GSE1: variants seen among roughly 807,000 people sequenced by gnomAD.
GSE1 encodes the protein Gse1 coiled-coil protein.
A neutral mutation model predicts 112.6 loss-of-function variants in GSE1; 32 were observed. The ratio of observed to expected loss-of-function variants is 0.28; its 90% CI spans 0.21 to 0.38. The LOEUF (loss-of-function observed/expected upper bound fraction) is 0.38, where lower values mean the gene tolerates loss of function less well. Among genes scored for constraint, GSE1 ranks in the 10% least tolerant of loss-of-function variants. The probability of loss-of-function intolerance (pLI) is 1.00; values close to 1 mark genes in which losing one functional copy is unlikely to be tolerated. For missense variants in GSE1, 2,348 were observed against 1,699.2 expected (o/e 1.38, Z -6.71); for synonymous variants, 1,115 against 735.6 (o/e 1.52, Z -8.35).
intron 1 of GSE1, among the ~76,000 whole-genome samples, chr16:85,629,993 T>C (rs1259483846): frequency 2.0e-5 from 3 of 152,196 alleles, no homozygotes; most frequent in Non-Finnish European, 2.9e-5. Context: ...TCAGGGTCTG[T>C]GATGAGCCTA....
chr16:85,211,352 T>A (rs1022010922), intron 1 of GSE1, among the ~76,000 whole-genome samples: 1 of 151,960 alleles, frequency 6.6e-6, no homozygotes, highest in African/African-American at 2.4e-5. Context: ...GCTAAGCACT[T>A]TATTATTGCT....
chr16:85,643,230 A>ATTGAC (rs1399529075), intron 2 of GSE1, among the ~76,000 whole-genome samples: 4 of 152,220 alleles, frequency 2.6e-5, no homozygotes, highest in African/African-American at 9.6e-5. Flanking sequence ...GATCCGTTTC[A>ATTGAC]TTGACTTAAC....
chr16:85,440,906 A>C (rs935128272), intron 2 of GSE1, among the ~76,000 whole-genome samples: 1 of 152,196 alleles, frequency 6.6e-6, no homozygotes, highest in South Asian at 2.1e-4. Flanking sequence ...CGGAGTCCTC[A>C]CCCATCATGC....
At chr16:85,208,019 A>C in intron 1 of GSE1, 2 of 149,770 alleles carry the variant, frequency 1.3e-5, no homozygotes, top group Non-Finnish European at 1.5e-5. Flanking sequence ...GGACAGAGGA[A>C]GTTTGGGGGG....
chr16:85,260,802 G>GCCCCCGCCCCTGCACTGTACTGGGAC (rs1907608118), intron 1 of GSE1, among the ~76,000 whole-genome samples: 1 of 152,198 alleles, frequency 6.6e-6, no homozygotes, highest in Admixed American at 6.5e-5. Context: ...TGTACTGGGA[G>GCCCCCGCCCCTGCACTGTACTGGGAC]CCCCCACCCC....
chr16:85,170,463 A>T, exon 1 of GSE1: 1 of 985,618 alleles, frequency 1.0e-6, no homozygotes, highest in Non-Finnish European at 1.2e-6. Context: ...GGGAGACCCT[A>T]CGGGGCTTCT....
At chr16:85,270,536 C>G (rs898527066) in intron 1 of GSE1, among the ~76,000 whole-genome samples, 1 of 148,836 alleles carries the variant, frequency 6.7e-6, no homozygotes, top group African/African-American at 2.4e-5. Context: ...TTTTCAGAAT[C>G]TGGAAACAAT....
At chr16:85,474,156 C>G (rs1046983068) in intron 2 of GSE1, among the ~76,000 whole-genome samples, 5 of 152,114 alleles carry the variant, frequency 3.3e-5, no homozygotes, top group African/African-American at 7.2e-5. Context: ...GGCTCCTGCA[C>G]CAGTCCAGAC....
chr16:85,455,330 T>C (rs1388824848), intron 2 of GSE1, among the ~76,000 whole-genome samples: 1 of 151,388 alleles, frequency 6.6e-6, no homozygotes, highest in African/African-American at 2.4e-5. Flanking sequence ...AAGCCAAGAT[T>C]GTGCCACTGC....
chr16:85,294,186 T>C (rs977822632), intron 1 of GSE1, among the ~76,000 whole-genome samples: 4 of 152,158 alleles, frequency 2.6e-5, no homozygotes, highest in Admixed American at 6.5e-5. Context: ...CCCTTCTGCC[T>C]CCTTCCCTCC....
At chr16:85,362,073 G>A (rs920291994) in intron 2 of GSE1, among the ~76,000 whole-genome samples, 2 of 152,196 alleles carry the variant, frequency 1.3e-5, no homozygotes, top group Non-Finnish European at 2.9e-5. Context: ...CAGCTCCAGG[G>A]CTGGGGACTC....
chr16:85,245,954 G>A (rs116469151), intron 1 of GSE1, among the ~76,000 whole-genome samples: 4,165 of 151,362 alleles, frequency 0.028, 106 homozygotes, highest in African/African-American at 0.066. Flanking sequence ...TTGGGGAGCA[G>A]GGCGTGTGTG....
rs1219796053 is a variant in GSE1 at position 85,661,746 on chromosome 16, G to T, written c.2241G>T (p.Arg747=). 1 of 1,543,004 alleles carries T rather than the reference G, an allele frequency of 6.5e-7. No individual in the cohort carries two copies. Among genetic ancestry groups the T allele is most frequent in the Admixed American group, 2.0e-5 (1 of 51,194 alleles). ...VSKLDLEERR[R]REAQEKGYYY... Reference sequence around the variant, plus strand: ...AGCTGGACCTGGAGGAGCGCAGGCGGCGGGAGGCCCAGGAGAAAGGTCTGC... The same window carrying T: ...AGCTGGACCTGGAGGAGCGCAGGCGTCGGGAGGCCCAGGAGAAAGGTCTGC... The change falls in exon 9 of 16, where the codon CGG becomes CGT. Residue 747 remains arginine (R), a synonymous_variant. Transcript: ENST00000253458.
intron 2 of GSE1, among the ~76,000 whole-genome samples, chr16:85,362,172 G>A (rs2047096260): frequency 6.6e-6 from 1 of 152,256 alleles, no homozygotes; most frequent in Non-Finnish European, 1.5e-5. Flanking sequence ...ATCTTCAGCT[G>A]CCGGGAGAAG....
At chr16:85,596,180 C>T (rs1298988957) in intron 1 of GSE1, among the ~76,000 whole-genome samples, 1 of 152,140 alleles carries the variant, frequency 6.6e-6, no homozygotes, top group East Asian at 1.9e-4. Context: ...CCCACCGCTG[C>T]ATCGCAGCTC....
intron 1 of GSE1, among the ~76,000 whole-genome samples, chr16:85,569,947 G>T (rs1201564590): frequency 6.6e-6 from 1 of 152,190 alleles, no homozygotes; most frequent in Non-Finnish European, 1.5e-5. Flanking sequence ...GGGGGTGGAG[G>T]TGGGGGTTTC....
chr16:85,635,027 G>A (rs1598476621), intron 2 of GSE1, among the ~76,000 whole-genome samples: 1 of 152,184 alleles, frequency 6.6e-6, no homozygotes, highest in African/African-American at 2.4e-5. Context: ...TAAGATCCGG[G>A]TGCCAGGGCC....
At chr16:85,505,261 C>G (rs1466791751) in intron 2 of GSE1, among the ~76,000 whole-genome samples, 1 of 152,166 alleles carries the variant, frequency 6.6e-6, no homozygotes, top group Non-Finnish European at 1.5e-5. Context: ...AGGCCTTTCC[C>G]TCACTTTTCA....
intron 1 of GSE1, among the ~76,000 whole-genome samples, chr16:85,354,740 C>G (rs16975543): frequency 0.032 from 4,804 of 152,344 alleles, 239 homozygotes; most frequent in African/African-American, 0.1. Flanking sequence ...AGCCGTCCCT[C>G]GCAGCAGGAG....
Sources: allele counts gnomAD v4.1 joint callset (sites outside exome capture counted in the v4.1 genomes callset), GRCh38; gene constraint gnomAD v4.1.1; transcripts MANE v1.5; gene names NCBI Gene and HGNC (gene_info 2026-07-23, HGNC 2026-07-21).